SLC35D4: variants seen among roughly 807,000 people sequenced by gnomAD.
The protein encoded by SLC35D4 is UDP-N-acetylglucosamine transporter SLC35D4.
chr18:23,360,466 G>C, the SLC35D4 span, among the ~76,000 whole-genome samples: 1 of 152,184 alleles, frequency 6.6e-6, no homozygotes, highest in African/African-American at 2.4e-5. Flanking sequence ...ACAAACTCAT[G>C]ATATACGCAA....
chr18:23,404,884 G>A, the SLC35D4 span, among the ~76,000 whole-genome samples: 3 of 151,654 alleles, frequency 2.0e-5, no homozygotes, highest in Non-Finnish European at 4.4e-5. Context: ...TACTCAGGAG[G>A]CTGAGGCAGG....
chr18:23,366,239 C>A, the SLC35D4 span, among the ~76,000 whole-genome samples: 1 of 152,110 alleles, frequency 6.6e-6, no homozygotes, highest in African/African-American at 2.4e-5. Context: ...CTGATGTGAG[C>A]CCTGTTCATC....
the SLC35D4 span, among the ~76,000 whole-genome samples, chr18:23,312,902 C>T: frequency 4.7e-4 from 72 of 151,890 alleles, no homozygotes; most frequent in Non-Finnish European, 8.1e-4. Context: ...CCAAGACGGG[C>T]GGATCACGAG....
chr18:23,415,237 C>T, the SLC35D4 span, among the ~76,000 whole-genome samples: 1 of 152,092 alleles, frequency 6.6e-6, no homozygotes, highest in Non-Finnish European at 1.5e-5. Flanking sequence ...ATACTTGTTA[C>T]GGTTCTCCAG....
At chr18:23,383,826 G>A in the SLC35D4 span, among the ~76,000 whole-genome samples, 1 of 152,066 alleles carries the variant, frequency 6.6e-6, no homozygotes, top group Admixed American at 6.6e-5. Context: ...AGTGACGAGG[G>A]AGAGGCTGAC....
the SLC35D4 span, among the ~76,000 whole-genome samples, chr18:23,293,070 T>A: frequency 2.8e-4 from 42 of 152,162 alleles, no homozygotes; most frequent in Middle Eastern, 3.4e-3. Flanking sequence ...TGAAACCCCA[T>A]CTCTACTAAA....
chr18:23,246,699 C>T, the SLC35D4 span, among the ~76,000 whole-genome samples: 6 of 151,360 alleles, frequency 4.0e-5, no homozygotes, highest in Admixed American at 3.9e-4. Context: ...CCAGTTTTTT[C>T]GTTTTTGTTT....
At chr18:23,328,232 G>T in the SLC35D4 span, among the ~76,000 whole-genome samples, 1 of 152,058 alleles carries the variant, frequency 6.6e-6, no homozygotes, top group Non-Finnish European at 1.5e-5. Context: ...AGAAATAAAG[G>T]GTATTCAATT....
At chr18:23,349,271 T>C in the SLC35D4 span, among the ~76,000 whole-genome samples, 98 of 152,358 alleles carry the variant, frequency 6.4e-4, no homozygotes, top group African/African-American at 2.3e-3. Context: ...ATTACACATA[T>C]GTTTGTTGCT....
chr18:23,434,637 T>C, the SLC35D4 span, among the ~76,000 whole-genome samples: 8 of 151,778 alleles, frequency 5.3e-5, no homozygotes, highest in Non-Finnish European at 1.0e-4. Flanking sequence ...TTAAAAAAAA[T>C]ACAAAAATTA....
chr18:23,359,007 C>T, the SLC35D4 span, among the ~76,000 whole-genome samples: 23 of 152,214 alleles, frequency 1.5e-4, no homozygotes, highest in Non-Finnish European at 2.5e-4. Context: ...CATGCAAACT[C>T]GATCCAGGAG....
chr18:23,396,747 T>C, the SLC35D4 span, among the ~76,000 whole-genome samples: 1 of 151,818 alleles, frequency 6.6e-6, no homozygotes, highest in African/African-American at 2.4e-5. Flanking sequence ...GACCCCCATC[T>C]CTAAAAAAAG....
At chr18:23,393,223 T>A in the SLC35D4 span, among the ~76,000 whole-genome samples, 1 of 149,096 alleles carries the variant, frequency 6.7e-6, no homozygotes, top group Non-Finnish European at 1.5e-5. Flanking sequence ...CCTAGATTAT[T>A]TTTTTTTTTA....
chr18:23,259,056 C>A, the SLC35D4 span: 1 of 152,020 alleles, frequency 6.6e-6, no homozygotes, highest in African/African-American at 2.4e-5. Context: ...TGATCGAAAG[C>A]TAGATCAACT....
the SLC35D4 span, among the ~76,000 whole-genome samples, chr18:23,312,691 T>G: frequency 1.3e-5 from 2 of 152,162 alleles, no homozygotes; most frequent in African/African-American, 4.8e-5. Flanking sequence ...GCCCCACTAC[T>G]GTCCTATTAA....
chr18:23,324,147 G>T, the SLC35D4 span, among the ~76,000 whole-genome samples: 1 of 151,906 alleles, frequency 6.6e-6, no homozygotes, highest in Non-Finnish European at 1.5e-5. Flanking sequence ...ACCAGAGTTT[G>T]CTCTCCTCCC....
At chr18:23,283,129 G>C in the SLC35D4 span, among the ~76,000 whole-genome samples, 1 of 152,158 alleles carries the variant, frequency 6.6e-6, no homozygotes, top group East Asian at 1.9e-4. Flanking sequence ...CTCCAAGAGG[G>C]TGTTCTTGGA....
the SLC35D4 span, chr18:23,385,133 AT>A: frequency 6.7e-7 from 1 of 1,490,812 alleles, no homozygotes; most frequent in South Asian, 1.2e-5. Context: ...ATGGTTCTTG[AT>A]TTTTTGCTTA....
At chr18:23,436,638 C>T in the SLC35D4 span, among the ~76,000 whole-genome samples, 1 of 151,870 alleles carries the variant, frequency 6.6e-6, no homozygotes, top group Non-Finnish European at 1.5e-5. Flanking sequence ...ACTAAAAATA[C>T]AAAAATTAGC....
Sources: allele counts gnomAD v4.1 joint callset (sites outside exome capture counted in the v4.1 genomes callset), GRCh38; gene constraint gnomAD v4.1.1; transcripts MANE v1.5; gene names NCBI Gene and HGNC (gene_info 2026-07-23, HGNC 2026-07-21).